Variants in TEX36 observed in about 807,000 individuals in gnomAD.
The protein encoded by TEX36 is testis expressed 36, also known as testis-expressed protein 36.
TEX36 carries 12 observed loss-of-function variants against 13.6 expected under a neutral mutation model. The ratio of observed to expected loss-of-function variants is 0.88; its 90% CI spans 0.56 to 1.43. TEX36 has a LOEUF of 1.43. Among genes scored for constraint, TEX36 ranks in the 40% most tolerant of loss-of-function variants. The pLI, the probability that TEX36 is intolerant of heterozygous loss-of-function variation, is 0.00. For missense variants in TEX36, 224 were observed against 228.3 expected, an observed-to-expected ratio of 0.98 and a Z score of 0.12; for synonymous variants, 93 against 83.0, an observed-to-expected ratio of 1.12 and a Z score of -0.65.
At chr10:125,647,404 G>T (rs76183479) in intron 3 of TEX36, among the ~76,000 whole-genome samples, 2 of 152,144 alleles carry the variant, frequency 1.3e-5, no homozygotes, top group Non-Finnish European at 2.9e-5. Flanking sequence ...GGATATAAGC[G>T]GGAGAGTGGG....
downstream of TEX36, among the ~76,000 whole-genome samples, chr10:125,652,993 G>A (rs1041095614): frequency 2.0e-5 from 3 of 152,208 alleles, no homozygotes; most frequent in African/African-American, 7.2e-5. Context: ...AACAACAGGT[G>A]CTGGAGAGGA....
intron 3 of TEX36, among the ~76,000 whole-genome samples, chr10:125,588,775 C>T (rs367757046): frequency 9.2e-5 from 14 of 152,156 alleles, no homozygotes; most frequent in African/African-American, 3.4e-4. Context: ...CCACCACGCC[C>T]AGCTAATTTT....
At chr10:125,589,070 G>GA (rs1202304471) in intron 3 of TEX36, among the ~76,000 whole-genome samples, 9 of 152,306 alleles carry the variant, frequency 5.9e-5, no homozygotes, top group African/African-American at 2.2e-4. Flanking sequence ...ATATGGAGAG[G>GA]AAAACATCAA....
At chr10:125,667,607 G>T (rs1356651774) in intron 1 of TEX36, 3 of 729,778 alleles carry the variant, frequency 4.1e-6, no homozygotes, top group Non-Finnish European at 7.7e-6. Flanking sequence ...CCCTGCAAGG[G>T]AGACCACGCC....
At chr10:125,608,499 C>CT (rs1214437880) in intron 3 of TEX36, among the ~76,000 whole-genome samples, 1 of 152,108 alleles carries the variant, frequency 6.6e-6, no homozygotes, top group Non-Finnish European at 1.5e-5. Context: ...TCCACGAAGC[C>CT]TGGGACCTCA....
chr10:125,644,171 C>G (rs575712913), intron 3 of TEX36, among the ~76,000 whole-genome samples: 1 of 152,230 alleles, frequency 6.6e-6, no homozygotes, highest in African/African-American at 2.4e-5. Context: ...ACAAGAAAAC[C>G]TCTACAGGTT....
intron 3 of TEX36, among the ~76,000 whole-genome samples, chr10:125,635,153 A>G (rs1234343528): frequency 2.0e-5 from 3 of 152,186 alleles, no homozygotes; most frequent in African/African-American, 4.8e-5. Context: ...TGAAGATTTA[A>G]CAGCAAAGAG....
chr10:125,667,837 C>T (rs187051591), intron 1 of TEX36: 2 of 1,466,752 alleles, frequency 1.4e-6, no homozygotes, highest in Middle Eastern at 2.2e-4. Flanking sequence ...TGGCAATGCT[C>T]CCAGTGGACT....
At chr10:125,646,334 CAAAACAAAAT>C (rs1483134946) in intron 3 of TEX36, among the ~76,000 whole-genome samples, 2 of 151,906 alleles carry the variant, frequency 1.3e-5, no homozygotes, top group Non-Finnish European at 2.9e-5. Flanking sequence ...TCAAGACCAA[CAAAACAAAAT>C]AAAACAAAAA....
At chr10:125,647,831 A>G (rs1846794462) in intron 3 of TEX36, among the ~76,000 whole-genome samples, 1 of 152,218 alleles carries the variant, frequency 6.6e-6, no homozygotes, top group Non-Finnish European at 1.5e-5. Context: ...CAATGGCCTT[A>G]GCAAACAGCA....
At chr10:125,593,227 C>T (rs1342632649) in intron 3 of TEX36, among the ~76,000 whole-genome samples, 2 of 152,242 alleles carry the variant, frequency 1.3e-5, no homozygotes, top group Non-Finnish European at 2.9e-5. Flanking sequence ...ACACTTGCTA[C>T]TTTGGGGATT....
chr10:125,587,786 T>TAAA (rs56198506), intron 3 of TEX36, among the ~76,000 whole-genome samples: 1,932 of 101,810 alleles, frequency 0.019, 42 homozygotes, highest in African/African-American at 0.067. Context: ...GTCTCAAAAT[T>TAAA]AAAAAAAAAA....
chr10:125,658,440 C>A (rs1031789732), intron 3 of TEX36, among the ~76,000 whole-genome samples: 2 of 151,832 alleles, frequency 1.3e-5, no homozygotes, highest in African/African-American at 4.8e-5. Flanking sequence ...TTTAGAAACT[C>A]AAGAATAATC....
At chr10:125,666,957 G>A in intron 1 of TEX36, 3 of 899,938 alleles carry the variant, frequency 3.3e-6, no homozygotes, top group Non-Finnish European at 3.3e-6. Flanking sequence ...TCCTTGACAG[G>A]CCAGGCTGTT....
chr10:125,676,376 A>T (rs928222548), intron 1 of TEX36, among the ~76,000 whole-genome samples: 2 of 151,718 alleles, frequency 1.3e-5, no homozygotes, highest in Admixed American at 6.6e-5. Flanking sequence ...CCTTCTTTGT[A>T]TTTTTTTTAC....
chr10:125,640,981 C>T (rs995701721), intron 3 of TEX36, among the ~76,000 whole-genome samples: 1 of 151,484 alleles, frequency 6.6e-6, no homozygotes, highest in Admixed American at 6.6e-5. Context: ...CCCCCTCCCC[C>T]GGGAATCTTC....
At chr10:125,583,871 TC>T (rs1397948788) in intron 3 of TEX36, among the ~76,000 whole-genome samples, 2 of 152,194 alleles carry the variant, frequency 1.3e-5, no homozygotes, top group Admixed American at 1.3e-4. Flanking sequence ...ATCCGTGTAC[TC>T]CAGCCTTTTC....
At chr10:125,600,668 A>G (rs1313762048) in intron 3 of TEX36, among the ~76,000 whole-genome samples, 4 of 152,244 alleles carry the variant, frequency 2.6e-5, no homozygotes, top group East Asian at 1.9e-4. Context: ...CCCAATCACA[A>G]CCCTCTATGC....
In TEX36 at chr10:125,660,944, T is replaced by A. The variant is rs568789557; in HGVS notation, c.264+77A>T. ...TTCCAGTTTTGAGGCCAATCCTCTA[T>A]CTTCAACACACCCCAGAAAATCAAG... On this transcript the variant is annotated intron_variant, in intron 3 of 3. Coordinates refer to ENST00000368821, the MANE Select transcript of TEX36 (RefSeq NM_001128202.3). The A allele has an allele frequency of 3.3e-4, 436 of 1,303,732 alleles. 2 individuals are homozygous for A. Among genetic ancestry groups the A allele is most frequent in the Non-Finnish European group, 3.7e-4 (340 of 921,374 alleles). The allele number at this position is 1,303,732 out of a possible 1,614,324, so 80.8% of individuals were successfully genotyped here.
Sources: allele counts gnomAD v4.1 joint callset (sites outside exome capture counted in the v4.1 genomes callset), GRCh38; gene constraint gnomAD v4.1.1; transcripts MANE v1.5; gene names NCBI Gene and HGNC (gene_info 2026-07-23, HGNC 2026-07-21).